The following CNIH4 variants were observed in gnomAD, a reference collection of about 807,000 sequenced individuals.
CNIH4 encodes the protein cornichon family member 4, also known as protein cornichon homolog 4.
CNIH4 carries 9 observed loss-of-function variants against 21.5 expected under a neutral mutation model. The observed-to-expected ratio is 0.42, with a 90% confidence interval of 0.25 to 0.73. The LOEUF is 0.73. Among genes scored for constraint, CNIH4 ranks in the 30% least tolerant of loss-of-function variants. CNIH4 has a pLI of 0.27. For missense variants in CNIH4, 159 were observed against 170.0 expected (o/e 0.94, Z 0.36); for synonymous variants, 67 against 59.1 (o/e 1.13, Z -0.61).
At chr1:224,361,114 ATTTTTTT>A (rs34687621) in intron 2 of CNIH4, among the ~76,000 whole-genome samples, 1 of 128,938 alleles carries the variant, frequency 7.8e-6, no homozygotes, top group Non-Finnish European at 1.6e-5. Flanking sequence ...TGCCTGGCTA[ATTTTTTT>A]TTTTTTTTTT....
chr1:224,372,732 G>C (rs917262014), intron 4 of CNIH4, among the ~76,000 whole-genome samples: 3 of 150,704 alleles, frequency 2.0e-5, no homozygotes, highest in African/African-American at 7.3e-5. Context: ...ACAGGTGCGT[G>C]CCACCACGCC....
chr1:224,364,769 C>A (rs1672401303), intron 2 of CNIH4, among the ~76,000 whole-genome samples: 2 of 152,050 alleles, frequency 1.3e-5, no homozygotes, highest in Admixed American at 6.6e-5. Flanking sequence ...TCCGTCTCTA[C>A]TAAAAAATAC....
At chr1:224,357,110 C>CG in intron 1 of CNIH4, 117 bp downstream of exon 1, 1 of 1,199,050 alleles carries the variant, frequency 8.3e-7, no homozygotes, top group Non-Finnish European at 1.2e-6. Flanking sequence ...GGCGTGGGCT[C>CG]CCTGGGAGCT....
intron 4 of CNIH4, 99 bp from the exon 5 acceptor site, chr1:224,375,696 G>T: frequency 2.4e-6 from 3 of 1,270,710 alleles, no homozygotes; most frequent in East Asian, 2.5e-5. Flanking sequence ...TCAAATGATT[G>T]TTCCTTTGTG....
At chr1:224,375,708 A>C in intron 4 of CNIH4, 87 bp from the exon 5 acceptor site, 1 of 1,426,972 alleles carries the variant, frequency 7.0e-7, no homozygotes, top group Non-Finnish European at 9.8e-7. Context: ...TCCTTTGTGA[A>C]CCTTAGGGAC....
In CNIH4 at chr1:224,375,891, A is replaced by G; in HGVS notation, c.*69A>G. 1 of 1,598,022 alleles carries G rather than the reference A, an allele frequency of 6.3e-7. No homozygotes were observed. Among genetic ancestry groups the G allele is most frequent in the Non-Finnish European group, 8.5e-7 (1 of 1,171,902 alleles). On this transcript the variant is annotated 3_prime_UTR_variant, in exon 5 of 5. Transcript: ENST00000465271. ...CAGTTGAGGAGCCAGAGACTTCTTA[A>G]ATCATCCTTAGAACCGTGACCATAG...
At chr1:224,356,813 A>C, upstream of CNIH4, 3 of 850,756 alleles carry the variant, frequency 3.5e-6, no homozygotes, top group Admixed American at 4.0e-5. Context: ...GGCATGCCAC[A>C]CCAGGATTCG....
intron 2 of CNIH4, among the ~76,000 whole-genome samples, chr1:224,365,298 A>G (rs1026809715): frequency 6.6e-6 from 1 of 152,222 alleles, no homozygotes; most frequent in African/African-American, 2.4e-5. Context: ...TACACAGTCA[A>G]CAAATAGCAT....
At position 224,376,685 on chromosome 1, in the gene CNIH4, C is replaced by A. The variant is rs1481739504; in HGVS notation, c.*863C>A. 2.1e-5 allele frequency: 21 copies of A among 985,332 alleles called. No individual in the cohort carries two copies. The highest frequency in any genetic ancestry group is 2.5e-5 in the Non-Finnish European group (21 of 829,954). 61.0% of individuals were successfully genotyped at this position (985,332 alleles called of 1,614,324 possible). ...TTTGGTGCGCCACGTGGTGCCAGAT[C>A]AACACTTCTATCCCTCTGCACTGAC... On this transcript the variant is annotated 3_prime_UTR_variant, in exon 5 of 5. Transcript: ENST00000465271.
intron 1 of CNIH4, chr1:224,357,477 C>G (rs997411812): frequency 6.5e-6 from 1 of 154,392 alleles, no homozygotes; most frequent in African/African-American, 2.4e-5. Context: ...TTGCCTCCTC[C>G]TGTTCCCCAC....
At chr1:224,366,956 C>T (rs1558397934) in intron 3 of CNIH4, among the ~76,000 whole-genome samples, 3 of 146,234 alleles carry the variant, frequency 2.1e-5, no homozygotes, top group South Asian at 2.1e-4. Flanking sequence ...AGCGAGACTC[C>T]GTCTCAAGAA....
chr1:224,372,740 G>C lies in CNIH4; in HGVS notation c.392+1317G>C, dbSNP rs568659778. Among the ~76,000 whole-genome samples the C allele has an allele frequency of 6.6e-5, 10 of 151,170 alleles. No homozygotes were observed. In the East Asian group the frequency reaches 1.9e-3, roughly 29 times the overall value. ...TGGGACTACAGGTGCGTGCCACCAC[G>C]CCTGGCTAATTTTTTTTTTTTTTTT... On this transcript the variant is annotated intron_variant, in intron 4 of 4. Coordinates refer to ENST00000465271, the MANE Select transcript of CNIH4 (RefSeq NM_014184.4).
At chr1:224,362,484 G>A (rs1436448361) in intron 2 of CNIH4, among the ~76,000 whole-genome samples, 1 of 117,312 alleles carries the variant, frequency 8.5e-6, no homozygotes, top group African/African-American at 3.3e-5. Flanking sequence ...GTATCGCTGT[G>A]TACTTTTTTT....
chr1:224,375,516 GGTT>G (rs1461862808), intron 4 of CNIH4, among the ~76,000 whole-genome samples: 1 of 152,092 alleles, frequency 6.6e-6, no homozygotes, highest in Admixed American at 6.5e-5. Context: ...AACTGAGCTA[GGTT>G]GTTTTTGTTT....
At chr1:224,357,497 C>T (rs769763355) in intron 1 of CNIH4, 1 of 153,300 alleles carries the variant, frequency 6.5e-6, no homozygotes, top group Admixed American at 6.5e-5. Flanking sequence ...CGCAACACCC[C>T]CGGCACCCGC....
rs750475205 is a variant in CNIH4 at position 224,376,411 on chromosome 1, C to T, written c.*589C>T. 3.0e-6 allele frequency: 3 copies of T among 985,318 alleles called. No homozygotes were observed. The highest frequency in any genetic ancestry group is 3.6e-6 in the Non-Finnish European group (3 of 829,888). 61.0% of individuals were successfully genotyped at this position (985,318 alleles called of 1,614,324 possible). ...GTGAAACCTTATAAGCCATTTTCCC[C>T]AGGTACAATGTAGTTCCTGCTGATA... is the stretch of plus-strand genomic sequence containing the variant. On this transcript the variant is annotated 3_prime_UTR_variant, in exon 5 of 5. Coordinates refer to ENST00000465271, the MANE Select transcript of CNIH4 (RefSeq NM_014184.4).
intron 1 of CNIH4, among the ~76,000 whole-genome samples, chr1:224,360,214 ATT>A (rs61520460): frequency 7.1e-6 from 1 of 140,892 alleles, no homozygotes; most frequent in Admixed American, 7.2e-5. Flanking sequence ...GATATTTCCC[ATT>A]TTTTTTTTTT....
At chr1:224,360,809 T>G (rs1672265317) in intron 2 of CNIH4, among the ~76,000 whole-genome samples, 1 of 152,208 alleles carries the variant, frequency 6.6e-6, no homozygotes, top group Admixed American at 6.5e-5. Context: ...GCATCTTTAC[T>G]CAGAGTAGGG....
chr1:224,371,199 C>A (rs1482705250), intron 3 of CNIH4, 84 bp from the exon 4 acceptor site: 3 of 1,421,130 alleles, frequency 2.1e-6, no homozygotes, highest in South Asian at 2.6e-5. Flanking sequence ...TTTTAAAAGT[C>A]GATTATTATT....
Sources: allele counts gnomAD v4.1 joint callset (sites outside exome capture counted in the v4.1 genomes callset), GRCh38; gene constraint gnomAD v4.1.1; transcripts MANE v1.5; gene names NCBI Gene and HGNC (gene_info 2026-07-23, HGNC 2026-07-21).